EPHA6: variants seen among roughly 807,000 people sequenced by gnomAD.
The protein encoded by EPHA6 is EPH receptor A6.
In EPHA6, 50 loss-of-function variants were observed where a neutral mutation model predicts 112.0. The ratio of observed to expected loss-of-function variants is 0.45; its 90% CI spans 0.36 to 0.56. The LOEUF is 0.56. Ranked by LOEUF, EPHA6 falls within the 20% of genes least tolerant of loss-of-function variation. The pLI is 0.00. For synonymous variants in EPHA6, 529 were observed against 490.7 expected, an observed-to-expected ratio of 1.08 and a Z score of -1.03; for missense variants, 1,280 against 1,417.4, an observed-to-expected ratio of 0.90 and a Z score of 1.56.
intron 1 of EPHA6, among the ~76,000 whole-genome samples, chr3:96,850,155 C>T (rs1197125243): frequency 6.6e-6 from 1 of 151,976 alleles, no homozygotes; most frequent in Non-Finnish European, 1.5e-5. Context: ...TTGGAAGGAG[C>T]TGTGGTTTGG....
chr3:97,563,140 G>A (rs528880323), intron 11 of EPHA6, among the ~76,000 whole-genome samples: 1 of 152,136 alleles, frequency 6.6e-6, no homozygotes, highest in South Asian at 2.1e-4. Context: ...AGGTATTCTT[G>A]TAATGCGTAA....
chr3:96,874,208 CAT>C (rs2036811866), intron 2 of EPHA6, among the ~76,000 whole-genome samples: 1 of 152,092 alleles, frequency 6.6e-6, no homozygotes, highest in African/African-American at 2.4e-5. Flanking sequence ...TAAAAGGATA[CAT>C]AGTTATTGAA....
At chr3:97,248,458 C>A (rs2079042312) in intron 5 of EPHA6, among the ~76,000 whole-genome samples, 1 of 152,032 alleles carries the variant, frequency 6.6e-6, no homozygotes. Context: ...AAACGTTAAT[C>A]ATGGATAGTC....
intron 5 of EPHA6, among the ~76,000 whole-genome samples, chr3:97,335,913 G>A (rs1005142148): frequency 6.6e-6 from 1 of 152,028 alleles, no homozygotes; most frequent in South Asian, 2.1e-4. Flanking sequence ...TGTTGAAGCT[G>A]TGCTCTTGTG....
intron 14 of EPHA6, among the ~76,000 whole-genome samples, chr3:97,685,955 C>T (rs2032216742): frequency 6.6e-6 from 1 of 151,974 alleles, no homozygotes; most frequent in Admixed American, 6.6e-5. Context: ...TTTGGTAAAT[C>T]TCTGAGCCCT....
intron 2 of EPHA6, among the ~76,000 whole-genome samples, chr3:96,985,662 T>C (rs765469020): frequency 6.6e-6 from 1 of 152,206 alleles, no homozygotes; most frequent in East Asian, 1.9e-4. Context: ...CATTGTTTTC[T>C]CTGGAAAATG....
intron 11 of EPHA6, among the ~76,000 whole-genome samples, chr3:97,585,181 T>C (rs1159761730): frequency 1.3e-5 from 2 of 152,232 alleles, no homozygotes; most frequent in African/African-American, 4.8e-5. Context: ...AATAGACTTT[T>C]AGAGCTTAAA....
intron 3 of EPHA6, among the ~76,000 whole-genome samples, chr3:97,026,910 C>A (rs2044659089): frequency 6.6e-6 from 1 of 152,066 alleles, no homozygotes; most frequent in Non-Finnish European, 1.5e-5. Flanking sequence ...GACAAAAATA[C>A]CATTCAACCC....
chr3:97,331,995 G>A (rs1169981862), intron 5 of EPHA6, among the ~76,000 whole-genome samples: 2 of 152,118 alleles, frequency 1.3e-5, no homozygotes, highest in African/African-American at 4.8e-5. Flanking sequence ...GAACATCGAT[G>A]CAAAAATCCT....
At chr3:97,399,050 C>A (rs889773029) in intron 5 of EPHA6, among the ~76,000 whole-genome samples, 2 of 151,628 alleles carry the variant, frequency 1.3e-5, no homozygotes, top group East Asian at 3.9e-4. Flanking sequence ...GAAGTTATTT[C>A]TCTTACCTAG....
intron 5 of EPHA6, among the ~76,000 whole-genome samples, chr3:97,284,921 A>C (rs2080415402): frequency 6.6e-6 from 1 of 152,162 alleles, no homozygotes; most frequent in South Asian, 2.1e-4. Flanking sequence ...ATATACATTC[A>C]CTATATAACT....
intron 3 of EPHA6, among the ~76,000 whole-genome samples, chr3:97,154,784 C>T (rs1355757695): frequency 6.6e-6 from 1 of 152,118 alleles, no homozygotes; most frequent in Non-Finnish European, 1.5e-5. Flanking sequence ...AAAAACAACC[C>T]TCATTTGTGC....
intron 2 of EPHA6, among the ~76,000 whole-genome samples, chr3:96,941,832 T>A (rs143328541): frequency 6.6e-6 from 1 of 152,196 alleles, no homozygotes; most frequent in African/African-American, 2.4e-5. Context: ...GACCCTCAGC[T>A]ACAGGTCTGT....
intron 14 of EPHA6, among the ~76,000 whole-genome samples, chr3:97,658,615 A>G (rs1005137979): frequency 1.4e-4 from 22 of 151,922 alleles, no homozygotes; most frequent in African/African-American, 4.8e-4. Flanking sequence ...TTGAACTCCA[A>G]TATACCTTAC....
At chr3:96,970,287 CGAGA>C (rs138222062) in intron 2 of EPHA6, among the ~76,000 whole-genome samples, 11,434 of 147,598 alleles carry the variant, frequency 0.077, 746 homozygotes, top group Admixed American at 0.22. Context: ...ACACACAGAG[CGAGA>C]GAGAGAGAGA....
intron 3 of EPHA6, among the ~76,000 whole-genome samples, chr3:96,999,171 T>C (rs2043536547): frequency 1.3e-5 from 2 of 151,948 alleles, no homozygotes; most frequent in African/African-American, 4.8e-5. Context: ...TGTAGTAGGC[T>C]GACTTTCTGG....
At chr3:97,033,830 A>C (rs536233978) in intron 3 of EPHA6, among the ~76,000 whole-genome samples, 1 of 152,064 alleles carries the variant, frequency 6.6e-6, no homozygotes, top group East Asian at 1.9e-4. Flanking sequence ...TGTTATGTCT[A>C]ATCACCCCCC....
intron 11 of EPHA6, among the ~76,000 whole-genome samples, chr3:97,539,821 T>C (rs150975861): frequency 7.2e-5 from 11 of 152,282 alleles, no homozygotes; most frequent in African/African-American, 2.6e-4. Context: ...GATCATTTGC[T>C]GAGGTGGACA....
chr3:97,287,463 T>A (rs1448756255), intron 5 of EPHA6, among the ~76,000 whole-genome samples: 5 of 133,778 alleles, frequency 3.7e-5, no homozygotes, highest in African/African-American at 1.9e-4. Flanking sequence ...AGACTCCGTC[T>A]CAAAAACAAA....
Sources: allele counts gnomAD v4.1 joint callset (sites outside exome capture counted in the v4.1 genomes callset), GRCh38; gene constraint gnomAD v4.1.1; transcripts MANE v1.5; gene names NCBI Gene and HGNC (gene_info 2026-07-23, HGNC 2026-07-21).